Variants in GOLGA1 observed in about 807,000 individuals in gnomAD.
GOLGA1 encodes golgin subfamily A member 1.
A neutral mutation model predicts 119.7 loss-of-function variants in GOLGA1; 63 were observed. The ratio of observed to expected loss-of-function variants is 0.53; its 90% CI spans 0.43 to 0.65. The LOEUF is 0.65. Among genes scored for constraint, GOLGA1 ranks in the 30% least tolerant of loss-of-function variants. The probability of loss-of-function intolerance (pLI) is 0.00; values close to 1 mark genes in which losing one functional copy is unlikely to be tolerated. For missense variants in GOLGA1, 798 were observed against 912.8 expected (o/e 0.87, Z 1.62); for synonymous variants, 318 against 333.4 (o/e 0.95, Z 0.50).
At chr9:124,916,262 T>G (rs1830444249) in intron 10 of GOLGA1, among the ~76,000 whole-genome samples, 1 of 151,800 alleles carries the variant, frequency 6.6e-6, no homozygotes, top group Non-Finnish European at 1.5e-5. Flanking sequence ...GTTGAGGAAC[T>G]GCTATCCAGT....
intron 15 of GOLGA1, among the ~76,000 whole-genome samples, chr9:124,892,230 C>T (rs1829872676): frequency 6.6e-6 from 1 of 152,230 alleles, no homozygotes; most frequent in Non-Finnish European, 1.5e-5. Context: ...GCTGGGATTA[C>T]AGGGGTGAGC....
chr9:124,926,657 T>TA, intron 7 of GOLGA1, 52 bp downstream of exon 7: 1 of 1,180,472 alleles, frequency 8.5e-7, no homozygotes. Context: ...ACGTTTTCCA[T>TA]ACCCCAGAGA....
At chr9:124,917,722 C>A (rs1350510264) in intron 10 of GOLGA1, among the ~76,000 whole-genome samples, 1 of 152,116 alleles carries the variant, frequency 6.6e-6, no homozygotes. Flanking sequence ...TTATTTGCCT[C>A]AGAGTTTTTG....
chr9:124,899,342 G>A lies in GOLGA1; in HGVS notation c.1298C>T (p.Ala433Val). Reference sequence around the variant, plus strand: ...CTCTTCACTCACCATCCCTTGCTCTGCGGTGGTCTGGTCAGCTGCCCGCGT... The same window carrying A: ...CTCTTCACTCACCATCCCTTGCTCTACGGTGGTCTGGTCAGCTGCCCGCGT... ...ERTRAADQTT[A>V]EQGMRQLEQE... Residue 433 changes from alanine (A) to valine (V), a missense_variant, in exon 14 of 23, where the codon GCA (alanine) becomes GTA (valine). By Grantham distance (64) the Ala-to-Val change is moderately conservative. Coordinates refer to ENST00000373555, the MANE Select transcript of GOLGA1 (RefSeq NM_002077.4). The A allele has an allele frequency of 6.5e-7, 1 of 1,548,930 alleles. No individual in the cohort carries two copies.
chr9:124,890,859 G>T (rs1829839971), intron 15 of GOLGA1, among the ~76,000 whole-genome samples: 1 of 147,134 alleles, frequency 6.8e-6, no homozygotes, highest in African/African-American at 2.7e-5. Context: ...GTTATGGAAA[G>T]AAGAAGAAGT....
intron 3 of GOLGA1, among the ~76,000 whole-genome samples, chr9:124,936,535 G>C (rs1204308690): frequency 1.3e-5 from 2 of 151,674 alleles, no homozygotes; most frequent in Non-Finnish European, 2.9e-5. Context: ...CAAACTCCTG[G>C]GCTCAAGCGA....
chr9:124,916,909 CA>C (rs1194516129), intron 10 of GOLGA1, among the ~76,000 whole-genome samples: 23 of 76,550 alleles, frequency 3.0e-4, no homozygotes, highest in Admixed American at 9.3e-4. Context: ...AAAACGAAAA[CA>C]AAAAAAAAAC....
intron 14 of GOLGA1, among the ~76,000 whole-genome samples, 164 bp from the exon 15 acceptor site, chr9:124,898,808 G>T (rs981086111): frequency 6.6e-6 from 1 of 152,182 alleles, no homozygotes; most frequent in African/African-American, 2.4e-5. Flanking sequence ...AGTCTCTGTG[G>T]AAACTCCAAG....
Position 124,908,452 on chromosome 9 carries a change from A to G in GOLGA1, c.990T>C (p.Asn330=). The G allele has an allele frequency of 6.2e-7, 1 of 1,604,638 alleles. No individual in the cohort carries two copies. The highest frequency in any genetic ancestry group is 8.5e-7 in the Non-Finnish European group (1 of 1,171,234). ...AGAGCTGTTGTCTGGTATCCTCCAA[A>G]TTCTGCTCAGCAAGTGTTTTCTGTA... ...LLKEKTLAEQ[N]LEDTRQQLLA... Residue 330 remains asparagine (N), a synonymous_variant, in exon 12 of 23, where the codon AAT becomes AAC. Coordinates refer to ENST00000373555, the MANE Select transcript of GOLGA1 (RefSeq NM_002077.4).
Position 124,900,523 on chromosome 9 carries a change from G to T in GOLGA1, c.1090C>A (p.Gln364Lys). The change falls in exon 13 of 23, where the codon CAG becomes AAG. Residue 364 changes from glutamine (Q) to lysine (K), a missense_variant. Transcript: ENST00000373555. ...TGTTGGAGCTGCTCCTCAGAGGCCT[G>T]CAAGGTCTGCTCCAGTTCTCTCACC... ...TRVRELEQTLQASEEQLQQSK... is the reference protein window; with the variant it reads ...TRVRELEQTLKASEEQLQQSK... 2 of 1,590,582 alleles carry T rather than the reference G, an allele frequency of 1.3e-6. No individual in the cohort carries two copies. Among genetic ancestry groups the T allele is most frequent in the Non-Finnish European group, 1.7e-6 (2 of 1,158,794 alleles).
At chr9:124,941,492 C>A (rs1179422241), upstream of GOLGA1, among the ~76,000 whole-genome samples, 1 of 152,210 alleles carries the variant, frequency 6.6e-6, no homozygotes, top group Non-Finnish European at 1.5e-5. Flanking sequence ...TCCCGCCGCA[C>A]CCTAGGCAGC....
At chr9:124,923,773 C>T (rs951974134) in intron 7 of GOLGA1, among the ~76,000 whole-genome samples, 15 of 151,810 alleles carry the variant, frequency 9.9e-5, no homozygotes, top group Admixed American at 9.2e-4. Context: ...TATGAGCCAT[C>T]GTGCATGGCC....
chr9:124,906,247 A>C (rs1007813374), intron 12 of GOLGA1, among the ~76,000 whole-genome samples: 3 of 151,122 alleles, frequency 2.0e-5, no homozygotes, highest in African/African-American at 7.3e-5. Context: ...CAGCCTCAAC[A>C]TGGTGAAACC....
intron 10 of GOLGA1, among the ~76,000 whole-genome samples, chr9:124,918,705 A>G (rs1056585644): frequency 5.9e-5 from 9 of 152,052 alleles, no homozygotes; most frequent in Admixed American, 5.9e-4. Context: ...GCAGTGAGCC[A>G]AGATCACGCC....
intron 15 of GOLGA1, among the ~76,000 whole-genome samples, chr9:124,890,820 G>A (rs3780595): frequency 0.011 from 1,729 of 152,292 alleles, 89 homozygotes; most frequent in Admixed American, 0.083. Flanking sequence ...CGCAGGCCAC[G>A]TGAATGGAGT....
At chr9:124,891,389 G>A (rs946738091) in intron 15 of GOLGA1, among the ~76,000 whole-genome samples, 1 of 152,228 alleles carries the variant, frequency 6.6e-6, no homozygotes, top group East Asian at 1.9e-4. Flanking sequence ...AATTCTAAAT[G>A]TATGTGCACC....
chr9:124,885,252 C>T (rs552248491), intron 19 of GOLGA1, among the ~76,000 whole-genome samples: 2 of 151,468 alleles, frequency 1.3e-5, no homozygotes, highest in East Asian at 1.9e-4. Flanking sequence ...TGTTTGAACC[C>T]GGGAGGCGGA....
chr9:124,907,149 G>C (rs1830250690), intron 12 of GOLGA1, among the ~76,000 whole-genome samples: 1 of 152,146 alleles, frequency 6.6e-6, no homozygotes, highest in Non-Finnish European at 1.5e-5. Context: ...GTTTACACAA[G>C]AGCAGACAAT....
rs1830575249 is a variant in GOLGA1, at chr9:124,921,800, G to A, written c.654C>T (p.Asn218=). Residue 218 remains asparagine (N), a synonymous_variant, in exon 9 of 23, where the codon AAC becomes AAT. Transcript: ENST00000373555. ...ELSRTQEELM[N]SNQMSSDLSQ... Reference sequence around the variant, plus strand: ...TTAAGTCTGATGACATCTGATTGGAGTTCATCAACTCCTCCTGGGTACGAC... The same window carrying A: ...TTAAGTCTGATGACATCTGATTGGAATTCATCAACTCCTCCTGGGTACGAC... 1 of 1,611,376 alleles carries A rather than the reference G, an allele frequency of 6.2e-7. No homozygotes were observed. Among genetic ancestry groups the A allele is most frequent in the Non-Finnish European group, 8.5e-7 (1 of 1,177,444 alleles).
Sources: gnomAD v4.1 joint callset for allele counts (sites outside exome capture counted in the v4.1 genomes callset) on GRCh38, gnomAD v4.1.1 for gene constraint, MANE v1.5 for transcripts, NCBI Gene and HGNC (gene_info 2026-07-23, HGNC 2026-07-21) for gene names.